COL15A1: variants seen among roughly 807,000 people sequenced by gnomAD.
COL15A1 encodes collagen type XV alpha 1 chain.
In COL15A1, 111 loss-of-function variants were observed where a neutral mutation model predicts 165.9. The observed-to-expected ratio is 0.67, with a 90% CI of 0.57 to 0.78. The LOEUF is 0.78. Ranked by LOEUF, COL15A1 falls within the 30% of genes least tolerant of loss-of-function variation. The pLI, the probability that COL15A1 is intolerant of heterozygous loss-of-function variation, is 0.00. For missense variants in COL15A1, 1,745 were observed against 1,789.7 expected (o/e 0.98, Z 0.45); for synonymous variants, 659 against 674.8 (o/e 0.98, Z 0.36).
chr9:98,962,086 G>A (rs1195967997), intron 2 of COL15A1, among the ~76,000 whole-genome samples: 2 of 152,226 alleles, frequency 1.3e-5, no homozygotes, highest in African/African-American at 4.8e-5. Flanking sequence ...TCTATACAAC[G>A]AAGAGGTCGG....
In COL15A1 at chr9:99,004,567, AAC is replaced by A. The variant is rs1210188125; in HGVS notation, c.1201-327_1201-326del. Among the ~76,000 whole-genome samples, 9 of 152,254 alleles carry A rather than the reference AAC, an allele frequency of 5.9e-5. No homozygotes were observed. In the South Asian group the frequency reaches 1.7e-3, roughly 28 times the overall value. On this transcript the variant is annotated intron_variant, in intron 8 of 41. Coordinates refer to ENST00000375001, the MANE Select transcript of COL15A1 (RefSeq NM_001855.5). ...GTCTGAGGACCTAGACTTTTGTTTC[AAC>A]ACAGTGACTTAAGCACCAGTAGAAG...
intron 2 of COL15A1, among the ~76,000 whole-genome samples, chr9:98,948,547 A>G (rs186938041): frequency 0.01 from 1,563 of 150,594 alleles, 8 homozygotes; most frequent in South Asian, 0.026. Flanking sequence ...GCAGTGAGCC[A>G]AGATCGCGCC....
intron 2 of COL15A1, among the ~76,000 whole-genome samples, chr9:98,956,985 G>T (rs1390344498): frequency 6.6e-6 from 1 of 152,198 alleles, no homozygotes; most frequent in Non-Finnish European, 1.5e-5. Context: ...CACCATCTGT[G>T]GTAGGCAGGG....
At chr9:99,068,171 G>A (rs1019746104) in intron 40 of COL15A1, among the ~76,000 whole-genome samples, 2 of 152,148 alleles carry the variant, frequency 1.3e-5, no homozygotes, top group Non-Finnish European at 2.9e-5. Context: ...GCCTTGAAGA[G>A]CGAGTAAAAA....
chr9:99,023,854 T>C (rs994634420), intron 14 of COL15A1, among the ~76,000 whole-genome samples: 2 of 152,150 alleles, frequency 1.3e-5, no homozygotes, highest in Admixed American at 1.3e-4. Context: ...GTGGCTATTC[T>C]ACTTCAGCTT....
intron 2 of COL15A1, among the ~76,000 whole-genome samples, chr9:98,959,164 G>T (rs997218806): frequency 6.9e-6 from 1 of 145,412 alleles, no homozygotes; most frequent in African/African-American, 2.6e-5. Flanking sequence ...GCCGAGGTGG[G>T]AGGATCTCTT....
chr9:99,038,627 T>C (rs1839346367), intron 21 of COL15A1, 41 bp from the exon 22 acceptor site: 3 of 1,219,688 alleles, frequency 2.5e-6, no homozygotes, highest in Non-Finnish European at 3.7e-6. Context: ...GCAGAACACA[T>C]GCCATCCTTT....
chr9:98,991,846 A>C lies in COL15A1; in HGVS notation c.804+2588A>C, dbSNP rs1287187438. Among the ~76,000 whole-genome samples the C allele has an allele frequency of 2.0e-5, 3 of 149,654 alleles. No homozygotes were observed. The East Asian group carries it at 6.0e-4, about 30-fold the overall frequency. On this transcript the variant is annotated intron_variant, in intron 5 of 41. Coordinates refer to ENST00000375001, the MANE Select transcript of COL15A1 (RefSeq NM_001855.5). ...TGTGTTTACAAACCTTGAGCTAGAC[A>C]CAAGAGTGCTGATTGGTGTATTTAC...
At chr9:98,960,513 A>C (rs775190629) in intron 2 of COL15A1, among the ~76,000 whole-genome samples, 1 of 152,176 alleles carries the variant, frequency 6.6e-6, no homozygotes. Context: ...ACGGCATCAG[A>C]TCTGTACCTT....
intron 26 of COL15A1, among the ~76,000 whole-genome samples, chr9:99,047,270 G>T (rs76621011): frequency 0.013 from 2,007 of 152,334 alleles, 92 homozygotes; most frequent in East Asian, 0.13. Flanking sequence ...GATGACTGGG[G>T]TGTCAGACCA....
intron 4 of COL15A1, among the ~76,000 whole-genome samples, chr9:98,987,593 T>C (rs1453430647): frequency 1.3e-5 from 2 of 152,250 alleles, no homozygotes; most frequent in Non-Finnish European, 2.9e-5. Flanking sequence ...GGATCTTCCA[T>C]GGCTGTGGCC....
At chr9:99,030,466 C>T (rs58204887) in intron 16 of COL15A1, among the ~76,000 whole-genome samples, 1,604 of 152,260 alleles carry the variant, frequency 0.011, 22 homozygotes, top group African/African-American at 0.037. Context: ...AAAGTGGACT[C>T]TTCTACCCAC....
At chr9:99,020,548 G>GGGGAT in intron 12 of COL15A1, 106 bp downstream of exon 12, 1 of 781,700 alleles carries the variant, frequency 1.3e-6, no homozygotes, top group East Asian at 2.6e-5. Context: ...GATCGCAGAA[G>GGGGAT]CAGCAAGAGG....
rs1026401733 is a variant in COL15A1, at chr9:99,070,297, A to G, written c.*411A>G. On this transcript the variant is annotated 3_prime_UTR_variant, in exon 42 of 42. Transcript: ENST00000375001. The stretch of plus-strand genomic sequence containing the variant: ...AGTGTTTAGAAATGTTACCCTTTCT[A>G]AGTTATATACAGATCAAATGCTTTT... The G allele has an allele frequency of 1.8e-5, 4 of 216,454 alleles. No individual in the cohort carries two copies. The highest frequency in any genetic ancestry group is 9.5e-5 in the African/African-American group (4 of 42,206). The allele number at this position is 216,454 out of a possible 1,614,324, so 13.4% of individuals were successfully genotyped here.
chr9:98,992,130 G>T (rs1338735800), intron 5 of COL15A1, among the ~76,000 whole-genome samples: 1 of 152,268 alleles, frequency 6.6e-6, no homozygotes, highest in Non-Finnish European at 1.5e-5. Context: ...CCCTTGGATG[G>T]TCGATGGGAA....
chr9:98,989,023 GACACACACACACACACACACAC>G (rs67974914), intron 4 of COL15A1, among the ~76,000 whole-genome samples, 133 bp from the exon 5 acceptor site: 3 of 144,296 alleles, frequency 2.1e-5, no homozygotes, highest in Admixed American at 6.8e-5. Context: ...GTCTCTCATA[GACACACACACACACACACACAC>G]ACACACACAC....
intron 9 of COL15A1, among the ~76,000 whole-genome samples, chr9:99,010,985 AT>A (rs148589320): frequency 0.14 from 20,711 of 152,136 alleles, 1,422 homozygotes; most frequent in East Asian, 0.25. Flanking sequence ...AAGATAAAAC[AT>A]TTTTTTAGCA....
intron 26 of COL15A1, among the ~76,000 whole-genome samples, chr9:99,046,989 A>G (rs1032787525): frequency 2.0e-5 from 3 of 152,202 alleles, no homozygotes; most frequent in Admixed American, 1.3e-4. Flanking sequence ...TAGGATGAAA[A>G]GGGACTTGGA....
At chr9:99,056,218 G>A in intron 34 of COL15A1, 42 bp from the exon 35 acceptor site, 1 of 1,601,316 alleles carries the variant, frequency 6.2e-7, no homozygotes, top group Non-Finnish European at 8.6e-7. Context: ...TTCGAGTGAT[G>A]AATGATGCTT....
Sources: gnomAD v4.1 joint callset for allele counts (sites outside exome capture counted in the v4.1 genomes callset) on GRCh38, gnomAD v4.1.1 for gene constraint, MANE v1.5 for transcripts, NCBI Gene and HGNC (gene_info 2026-07-23, HGNC 2026-07-21) for gene names.